Variants in SYNPR observed in about 807,000 individuals in gnomAD.
SYNPR encodes synaptoporin.
A neutral mutation model predicts 32.9 loss-of-function variants in SYNPR; 23 were observed. That is an observed-to-expected ratio of 0.70 (90% CI 0.50 to 0.99). The LOEUF (loss-of-function observed/expected upper bound fraction) is 0.99, where lower values mean the gene tolerates loss of function less well. Ranked by LOEUF, SYNPR falls within the 50% of genes least tolerant of loss-of-function variation. The pLI, the probability that SYNPR is intolerant of heterozygous loss-of-function variation, is 0.00. For synonymous variants in SYNPR, 146 were observed against 135.9 expected, an observed-to-expected ratio of 1.07 and a Z score of -0.52; for missense variants, 318 against 349.3, an observed-to-expected ratio of 0.91 and a Z score of 0.71.
intron 1 of SYNPR, among the ~76,000 whole-genome samples, chr3:63,251,850 G>A (rs1004135849): frequency 6.6e-6 from 1 of 151,876 alleles, no homozygotes; most frequent in Non-Finnish European, 1.5e-5. Context: ...TCAGACAAAT[G>A]CCATGAAGGA....
At chr3:63,319,993 G>A (rs997431968) in intron 2 of SYNPR, among the ~76,000 whole-genome samples, 7 of 151,726 alleles carry the variant, frequency 4.6e-5, no homozygotes, top group African/African-American at 7.3e-5. Context: ...CCTGTCACCC[G>A]GGCTGCAGTG....
At chr3:63,351,135 G>A (rs1174411172) in intron 2 of SYNPR, among the ~76,000 whole-genome samples, 1 of 152,146 alleles carries the variant, frequency 6.6e-6, no homozygotes, top group Non-Finnish European at 1.5e-5. Flanking sequence ...GAAATGCACT[G>A]AACATCTCAG....
intron 3 of SYNPR, among the ~76,000 whole-genome samples, chr3:63,524,259 A>G (rs947430310): frequency 2.0e-5 from 3 of 152,198 alleles, no homozygotes; most frequent in Non-Finnish European, 1.5e-5. Context: ...ATCATCTCAC[A>G]TTCTACACTT....
intron 2 of SYNPR, among the ~76,000 whole-genome samples, chr3:63,405,719 T>C (rs959545305): frequency 7.9e-5 from 12 of 152,156 alleles, no homozygotes; most frequent in African/African-American, 2.4e-4. Flanking sequence ...TACAAGACTA[T>C]TGCAAGATTC....
Position 63,278,504 on chromosome 3 carries a change from G to T in SYNPR, c.-30G>T. The T allele has an allele frequency of 3.9e-6, 6 of 1,545,954 alleles. No individual in the cohort carries two copies. Among genetic ancestry groups the T allele is most frequent in the Non-Finnish European group, 5.2e-6 (6 of 1,143,812 alleles). The stretch of plus-strand genomic sequence containing the variant: ...CGAACTTCATTTTTAAAAAGAACTG[G>T]TGGATGAGAAGAGCGAGCGAGGGCG... On this transcript the variant is annotated 5_prime_UTR_variant, in exon 1 of 6. Coordinates refer to ENST00000478300, the MANE Select transcript of SYNPR (RefSeq NM_001130003.2).
chr3:63,452,936 A>T (rs2106638510), intron 2 of SYNPR, among the ~76,000 whole-genome samples: 1 of 152,186 alleles, frequency 6.6e-6, no homozygotes, highest in South Asian at 2.1e-4. Flanking sequence ...ATAAAATGGA[A>T]CTTTGTATGT....
At position 63,615,443 on chromosome 3, in the gene SYNPR, C is replaced by T. The variant is rs780926628; in HGVS notation, c.820C>T (p.Gln274Ter). The T allele has an allele frequency of 2.5e-6, 4 of 1,613,872 alleles. No individual in the cohort carries two copies. Among genetic ancestry groups the T allele is most frequent in the African/African-American group, 1.3e-5 (1 of 74,942 alleles). The change falls in exon 6 of 6, where the codon CAG (glutamine) becomes TAG (stop). Residue 274 changes from glutamine (Q) to a stop codon, truncating the protein, a stop_gained. Coordinates refer to ENST00000478300, the MANE Select transcript of SYNPR (RefSeq NM_001130003.2). LOFTEE classifies it high-confidence loss of function. ...GCCAACCTCAGATGAGTTTGGCCAA[C>T]AGCCTACTGGCCCCACTTCCTTTAC... ...LGPTSDEFGQQPTGPTSFTNQ... is the reference protein window; with the variant it reads ...LGPTSDEFGQ
chr3:63,530,231 C>A (rs958364724), intron 3 of SYNPR, among the ~76,000 whole-genome samples: 2 of 152,140 alleles, frequency 1.3e-5, no homozygotes, highest in African/African-American at 4.8e-5. Context: ...TTTCACTGGG[C>A]CCAGCAAATT....
intron 2 of SYNPR, among the ~76,000 whole-genome samples, chr3:63,390,207 A>G (rs1444961643): frequency 1.3e-5 from 2 of 152,168 alleles, no homozygotes; most frequent in African/African-American, 4.8e-5. Flanking sequence ...CCTGTTGCCT[A>G]TTTTTGAATT....
At chr3:63,244,073 C>A (rs1382006611) in intron 1 of SYNPR, among the ~76,000 whole-genome samples, 1 of 151,936 alleles carries the variant, frequency 6.6e-6, no homozygotes, top group East Asian at 1.9e-4. Flanking sequence ...TATGAGGCAA[C>A]CCTGAATTTA....
At chr3:63,232,056 T>C (rs1328164160) in intron 1 of SYNPR, among the ~76,000 whole-genome samples, 1 of 152,142 alleles carries the variant, frequency 6.6e-6, no homozygotes, top group Non-Finnish European at 1.5e-5. Flanking sequence ...AGAGCTGGTC[T>C]AATACAGTGG....
chr3:63,231,425 T>C (rs9813910), intron 1 of SYNPR, among the ~76,000 whole-genome samples: 31,343 of 151,966 alleles, frequency 0.21, 3,421 homozygotes, highest in South Asian at 0.33. Context: ...AATTCACCAC[T>C]AAAGAACTCA....
At chr3:63,439,120 C>A (rs566791065) in intron 2 of SYNPR, among the ~76,000 whole-genome samples, 2 of 152,280 alleles carry the variant, frequency 1.3e-5, no homozygotes, top group South Asian at 2.1e-4. Flanking sequence ...GGGAGAGAAG[C>A]TTTTCCATTC....
intron 2 of SYNPR, among the ~76,000 whole-genome samples, chr3:63,292,616 G>C (rs759499624): frequency 3.3e-5 from 5 of 152,138 alleles, no homozygotes; most frequent in Non-Finnish European, 5.9e-5. Flanking sequence ...CATAATTATT[G>C]TGTTCATTAA....
At chr3:63,239,219 A>T (rs62251285) in intron 1 of SYNPR, among the ~76,000 whole-genome samples, 32,551 of 149,236 alleles carry the variant, frequency 0.22, 4,437 homozygotes, top group Admixed American at 0.32. Flanking sequence ...CAAAATTTAC[A>T]TTTCTTGACC....
chr3:63,329,649 T>C (rs2087204591), intron 2 of SYNPR, among the ~76,000 whole-genome samples: 1 of 152,204 alleles, frequency 6.6e-6, no homozygotes, highest in South Asian at 2.1e-4. Flanking sequence ...CTGAGGCAAT[T>C]GAAAGAGTCC....
At chr3:63,485,661 G>C (rs141743240) in intron 3 of SYNPR, among the ~76,000 whole-genome samples, 1,812 of 152,246 alleles carry the variant, frequency 0.012, 33 homozygotes, top group African/African-American at 0.041. Context: ...TGAAGAAAGA[G>C]ACTAAGTTTG....
At chr3:63,529,810 A>G (rs6777073) in intron 3 of SYNPR, among the ~76,000 whole-genome samples, 54,477 of 151,818 alleles carry the variant, frequency 0.36, 9,873 homozygotes, top group Admixed American at 0.43. Context: ...GGCCTAAGAC[A>G]AGTGGCTCCT....
At chr3:63,583,926 T>C (rs1196519447) in intron 4 of SYNPR, among the ~76,000 whole-genome samples, 1 of 152,112 alleles carries the variant, frequency 6.6e-6, no homozygotes, top group Non-Finnish European at 1.5e-5. Context: ...GAATGAATTT[T>C]CCATGATCTA....
Sources: gnomAD v4.1 joint callset for allele counts (sites outside exome capture counted in the v4.1 genomes callset) on GRCh38, gnomAD v4.1.1 for gene constraint, MANE v1.5 for transcripts, NCBI Gene and HGNC (gene_info 2026-07-23, HGNC 2026-07-21) for gene names.